TENM2: variants seen among roughly 807,000 people sequenced by gnomAD.
TENM2 encodes the protein teneurin transmembrane protein 2, also known as teneurin-2.
In TENM2, 52 loss-of-function variants were observed where a neutral mutation model predicts 245.2. That is an observed-to-expected ratio of 0.21 (90% CI 0.17 to 0.27). The LOEUF (loss-of-function observed/expected upper bound fraction) is 0.27. Among genes scored for constraint, TENM2 ranks in the 10% least tolerant of loss-of-function variants. The pLI, the probability that TENM2 is intolerant of heterozygous loss-of-function variation, is 1.00. For missense variants in TENM2, 3,046 were observed against 3,666.8 expected (o/e 0.83, Z 4.37); for synonymous variants, 1,363 against 1,438.9 (o/e 0.95, Z 1.19).
At chr5:168,056,493 G>A (rs573496745) in intron 6 of TENM2, among the ~76,000 whole-genome samples, 1 of 152,326 alleles carries the variant, frequency 6.6e-6, no homozygotes, top group East Asian at 1.9e-4. Flanking sequence ...TTCAGCCAAT[G>A]ATTGGCCAGA....
At chr5:168,251,172 G>A (rs548865953) in intron 27 of TENM2, among the ~76,000 whole-genome samples, 2 of 152,272 alleles carry the variant, frequency 1.3e-5, no homozygotes, top group South Asian at 2.1e-4. Flanking sequence ...AGCCAGAGAG[G>A]CAATAAAGAG....
chr5:167,437,001 T>C (rs1022012134), intron 2 of TENM2, among the ~76,000 whole-genome samples: 3 of 152,026 alleles, frequency 2.0e-5, no homozygotes, highest in Non-Finnish European at 2.9e-5. Flanking sequence ...ATATATGGGG[T>C]TGGAGCCCCC....
intron 5 of TENM2, among the ~76,000 whole-genome samples, chr5:168,015,623 TC>T: frequency 6.6e-6 from 1 of 152,190 alleles, no homozygotes. Flanking sequence ...AAATGGCGTC[TC>T]CCCAGTGGCT....
chr5:167,596,367 G>A (rs1438397087), intron 2 of TENM2, among the ~76,000 whole-genome samples: 1 of 152,104 alleles, frequency 6.6e-6, no homozygotes, highest in East Asian at 1.9e-4. Flanking sequence ...CATCCTACTG[G>A]ACTGTCCCCC....
intron 5 of TENM2, among the ~76,000 whole-genome samples, chr5:168,025,124 T>A (rs2151926891): frequency 6.6e-6 from 1 of 152,338 alleles, no homozygotes; most frequent in East Asian, 1.9e-4. Flanking sequence ...AAAGTGTAAA[T>A]TTACCACTTG....
At chr5:167,338,058 A>G (rs1757881862) in intron 1 of TENM2, among the ~76,000 whole-genome samples, 1 of 152,246 alleles carries the variant, frequency 6.6e-6, no homozygotes, top group Non-Finnish European at 1.5e-5. Context: ...TTACAAAATC[A>G]GTTGGACAAT....
At chr5:167,941,394 G>A (rs1347403143) in intron 3 of TENM2, among the ~76,000 whole-genome samples, 2 of 152,142 alleles carry the variant, frequency 1.3e-5, no homozygotes, top group Non-Finnish European at 2.9e-5. Flanking sequence ...TTATTTCAGT[G>A]TATTTAAACT....
chr5:167,271,385 T>C, the TENM2 span, among the ~76,000 whole-genome samples: 5 of 152,072 alleles, frequency 3.3e-5, no homozygotes, highest in Non-Finnish European at 7.4e-5. Context: ...ACATTTCGTA[T>C]TGAAATTTTT....
chr5:168,139,631 T>C (rs767766632), intron 12 of TENM2: 15 of 452,114 alleles, frequency 3.3e-5, no homozygotes, highest in Non-Finnish European at 5.4e-5. Flanking sequence ...TCTGTGTTGA[T>C]TCAGGGAAGG....
the TENM2 span, among the ~76,000 whole-genome samples, chr5:167,079,216 T>A: frequency 6.6e-6 from 1 of 151,568 alleles, no homozygotes; most frequent in African/African-American, 2.4e-5. Context: ...TCTGTCTTTG[T>A]CTTTGTCTCT....
chr5:168,199,807 C>T (rs1761773288), intron 16 of TENM2, 57 bp from the exon 19 acceptor site: 1 of 1,564,990 alleles, frequency 6.4e-7, no homozygotes, highest in African/African-American at 1.3e-5. Context: ...ATCGGGGTTA[C>T]AGTTTACCTG....
chr5:167,450,459 C>T (rs1321318239), intron 2 of TENM2, among the ~76,000 whole-genome samples: 2 of 152,130 alleles, frequency 1.3e-5, no homozygotes, highest in Admixed American at 6.5e-5. Context: ...TCTAATTTCT[C>T]GTTATTTCAC....
chr5:167,672,158 AG>A, intron 2 of TENM2, among the ~76,000 whole-genome samples: 1 of 152,180 alleles, frequency 6.6e-6, no homozygotes, highest in South Asian at 2.1e-4. Context: ...ACTGGTAACT[AG>A]GGCATCAACA....
chr5:167,441,453 C>T (rs760521626), intron 2 of TENM2, among the ~76,000 whole-genome samples: 1 of 152,194 alleles, frequency 6.6e-6, no homozygotes, highest in Non-Finnish European at 1.5e-5. Context: ...GGAAGTCACT[C>T]ATCAAATATC....
chr5:167,008,967 A>T, the TENM2 span, among the ~76,000 whole-genome samples: 1 of 152,194 alleles, frequency 6.6e-6, no homozygotes, highest in Non-Finnish European at 1.5e-5. Context: ...TGTGCTCCAC[A>T]TCGAGACATG....
At chr5:167,414,329 CAAT>C (rs1315327807) in intron 2 of TENM2, among the ~76,000 whole-genome samples, 6 of 151,856 alleles carry the variant, frequency 4.0e-5, no homozygotes, top group East Asian at 1.9e-4. Context: ...TAAAAAGAAA[CAAT>C]AATTTTATGG....
At chr5:167,664,180 G>A (rs1755425383) in intron 2 of TENM2, among the ~76,000 whole-genome samples, 1 of 152,178 alleles carries the variant, frequency 6.6e-6, no homozygotes, top group Non-Finnish European at 1.5e-5. Flanking sequence ...GTACAACTGA[G>A]TCAAGACCAC....
intron 2 of TENM2, among the ~76,000 whole-genome samples, chr5:167,723,697 T>C (rs1211059124): frequency 6.6e-6 from 1 of 152,198 alleles, no homozygotes; most frequent in East Asian, 1.9e-4. Context: ...TTCCCTGTCC[T>C]AATAGTCTTC....
At chr5:167,151,518 CT>C in the TENM2 span, among the ~76,000 whole-genome samples, 4 of 152,082 alleles carry the variant, frequency 2.6e-5, no homozygotes, top group Admixed American at 1.3e-4. Flanking sequence ...TTTTCTTCTT[CT>C]TTTTTTTGTT....
Sources: gnomAD v4.1 joint callset for allele counts (sites outside exome capture counted in the v4.1 genomes callset) on GRCh38, gnomAD v4.1.1 for gene constraint, MANE v1.5 for transcripts, NCBI Gene and HGNC (gene_info 2026-07-23, HGNC 2026-07-21) for gene names.